The following METTL24 variants were observed in gnomAD, a reference collection of about 807,000 sequenced individuals.
The protein encoded by METTL24 is methyltransferase like 24.
Under a neutral mutation model 32.7 loss-of-function variants are expected in METTL24, and 29 were observed. That is an observed-to-expected ratio of 0.89 (90% CI 0.66 to 1.21). METTL24 has a LOEUF of 1.21. METTL24 is among the 50% of genes most tolerant of loss of function. The pLI is 0.00. For synonymous variants in METTL24, 163 were observed against 179.5 expected (o/e 0.91, Z 0.73); for missense variants, 439 against 468.1 (o/e 0.94, Z 0.57).
chr6:110,273,573 G>T (rs1770993377), intron 4 of METTL24, among the ~76,000 whole-genome samples: 1 of 149,990 alleles, frequency 6.7e-6, no homozygotes, highest in Non-Finnish European at 1.5e-5. Flanking sequence ...GACACGAATA[G>T]ACAATTCTCA....
At chr6:110,310,333 C>T (rs1771699661) in intron 3 of METTL24, among the ~76,000 whole-genome samples, 1 of 152,094 alleles carries the variant, frequency 6.6e-6, no homozygotes, top group Admixed American at 6.5e-5. Flanking sequence ...CTCTCATGCC[C>T]ACGCCTACCC....
intron 1 of METTL24, among the ~76,000 whole-genome samples, chr6:110,337,828 G>A (rs1048497200): frequency 7.2e-5 from 11 of 152,272 alleles, no homozygotes; most frequent in South Asian, 6.2e-4. Flanking sequence ...CCTCTACTAT[G>A]TGCAAAATAG....
intron 1 of METTL24, among the ~76,000 whole-genome samples, chr6:110,345,690 A>G (rs1178587954): frequency 6.6e-6 from 1 of 152,164 alleles, no homozygotes; most frequent in East Asian, 1.9e-4. Context: ...AAAACCAAAT[A>G]CCGTATATTC....
intron 3 of METTL24, among the ~76,000 whole-genome samples, chr6:110,307,867 A>G (rs1331988968): frequency 6.6e-6 from 1 of 152,224 alleles, no homozygotes; most frequent in Non-Finnish European, 1.5e-5. Context: ...TATGAGGAAG[A>G]AACAAAATTA....
chr6:110,266,142 C>T (rs1050141601), intron 4 of METTL24, among the ~76,000 whole-genome samples: 1 of 152,028 alleles, frequency 6.6e-6, no homozygotes, highest in Non-Finnish European at 1.5e-5. Flanking sequence ...TGGCATCAAG[C>T]GATCCTCCCA....
chr6:110,291,345 T>C (rs1257236316), intron 4 of METTL24, among the ~76,000 whole-genome samples: 1 of 152,224 alleles, frequency 6.6e-6, no homozygotes, highest in Non-Finnish European at 1.5e-5. Context: ...TTTAGGTCTA[T>C]GTTCCACTTC....
chr6:110,341,289 A>C (rs1001856213), intron 1 of METTL24, among the ~76,000 whole-genome samples: 1 of 152,244 alleles, frequency 6.6e-6, no homozygotes, highest in African/African-American at 2.4e-5. Context: ...TTCCCTGTCC[A>C]GGAATAAGGC....
At chr6:110,305,481 G>T (rs1771610398) in intron 3 of METTL24, among the ~76,000 whole-genome samples, 1 of 151,096 alleles carries the variant, frequency 6.6e-6, no homozygotes, top group Non-Finnish European at 1.5e-5. Context: ...AAATTTACAA[G>T]AAAAAAACAA....
intron 4 of METTL24, among the ~76,000 whole-genome samples, chr6:110,292,093 A>T (rs1771331354): frequency 6.6e-6 from 1 of 152,182 alleles, no homozygotes; most frequent in African/African-American, 2.4e-5. Context: ...TGGTTTTGTA[A>T]GTTGTCCATG....
chr6:110,302,486 C>T (rs1210577017), intron 3 of METTL24, among the ~76,000 whole-genome samples: 1 of 123,648 alleles, frequency 8.1e-6, no homozygotes, highest in Non-Finnish European at 1.6e-5. Flanking sequence ...CACATATACA[C>T]ACATATGTGT....
chr6:110,256,011 G>C (rs1029267299), intron 4 of METTL24, among the ~76,000 whole-genome samples: 3 of 152,126 alleles, frequency 2.0e-5, no homozygotes, highest in African/African-American at 7.2e-5. Context: ...GTTTTTGCTT[G>C]TGTTTTAAGC....
chr6:110,299,667 G>A (rs986451673), intron 3 of METTL24, among the ~76,000 whole-genome samples: 6 of 152,206 alleles, frequency 3.9e-5, no homozygotes, highest in South Asian at 2.1e-4. Flanking sequence ...AAGAAAAAAG[G>A]CAAATGTATG....
At chr6:110,354,164 G>C (rs1054666551) in intron 1 of METTL24, among the ~76,000 whole-genome samples, 2 of 152,172 alleles carry the variant, frequency 1.3e-5, no homozygotes, top group African/African-American at 4.8e-5. Flanking sequence ...ATTTTGCAAA[G>C]CTTGAAGATT....
At chr6:110,335,533 AT>A (rs1451015079) in intron 1 of METTL24, among the ~76,000 whole-genome samples, 2 of 148,056 alleles carry the variant, frequency 1.4e-5, no homozygotes, top group African/African-American at 5.0e-5. Context: ...CAAGCTTTAA[AT>A]TTTACTTGCT....
chr6:110,280,183 T>G (rs1771113034), intron 4 of METTL24, among the ~76,000 whole-genome samples: 1 of 152,190 alleles, frequency 6.6e-6, no homozygotes, highest in Non-Finnish European at 1.5e-5. Context: ...CAATTTGACA[T>G]GCAATTTGGG....
At chr6:110,261,552 AT>A (rs1338693933) in intron 4 of METTL24, among the ~76,000 whole-genome samples, 9 of 152,226 alleles carry the variant, frequency 5.9e-5, no homozygotes, top group African/African-American at 2.2e-4. Flanking sequence ...CATTAGACAG[AT>A]GAATGAGACA....
intron 4 of METTL24, among the ~76,000 whole-genome samples, chr6:110,253,208 A>G (rs1778316293): frequency 6.6e-6 from 1 of 152,200 alleles, no homozygotes; most frequent in South Asian, 2.1e-4. Flanking sequence ...AGACCAATAA[A>G]GAGGTCCTGA....
intron 4 of METTL24, among the ~76,000 whole-genome samples, chr6:110,247,150 A>T (rs1205513115): frequency 6.6e-6 from 1 of 152,068 alleles, no homozygotes; most frequent in Non-Finnish European, 1.5e-5. Flanking sequence ...ATGAAAGCTC[A>T]TTTTTACCAA....
rs747000646 is a variant in METTL24, at chr6:110,296,633, A to G, written c.786+2289T>C. Among the ~76,000 whole-genome samples the G allele has an allele frequency of 9.1e-4, 139 of 152,344 alleles. 1 individual carries two copies. The highest frequency in any genetic ancestry group is 3.4e-3 in the Middle Eastern group (1 of 294). On this transcript the variant is annotated intron_variant, in intron 4 of 4. Transcript: ENST00000338882. The stretch of plus-strand genomic sequence containing the variant: ...GAGTGGCTGGAATCTACGTATGGAT[A>G]TACAGAATAGGAAAACTAACAGCGG...
Sources: allele counts gnomAD v4.1 joint callset (sites outside exome capture counted in the v4.1 genomes callset), GRCh38; gene constraint gnomAD v4.1.1; transcripts MANE v1.5; gene names NCBI Gene and HGNC (gene_info 2026-07-23, HGNC 2026-07-21).